ABCC6: variants seen among roughly 807,000 people sequenced by gnomAD.
ABCC6 encodes ATP binding cassette subfamily C member 6.
ABCC6 carries 126 observed loss-of-function variants against 169.5 expected under a neutral mutation model. That is an observed-to-expected ratio of 0.74 (90% CI 0.64 to 0.86). The LOEUF (loss-of-function observed/expected upper bound fraction) is 0.86, where lower values mean the gene tolerates loss of function less well. Ranked by LOEUF, ABCC6 falls within the 40% of genes least tolerant of loss-of-function variation. The probability of loss-of-function intolerance (pLI) is 0.00; values close to 1 mark genes in which losing one functional copy is unlikely to be tolerated. For missense variants in ABCC6, 1,733 were observed against 1,927.2 expected (o/e 0.90, Z 1.89); for synonymous variants, 752 against 814.7 (o/e 0.92, Z 1.31).
At position 16,182,531 on chromosome 16, in the gene ABCC6, T is replaced by C. The variant is rs2047511121; in HGVS notation, c.2128A>G (p.Asn710Asp). The change falls in exon 17 of 31, where the codon AAT (asparagine) becomes GAT (aspartate). Residue 710 changes from asparagine to aspartate, a missense_variant. This residue lies in a region of ABCC6 where 1,601 missense variants were observed against 1,635.5 expected (regional missense o/e 0.98). Transcript: ENST00000205557. The part of the protein sequence containing the change: ...AWVQNTSVVE[N>D]VCFGQELDPP... ...TCCAGCTCCTGCCCGAAGCACACAT[T>C]CTCTACCACAGAGGTGTTCTGCACC... The C allele has an allele frequency of 6.2e-7, 1 of 1,614,140 alleles. No homozygotes were observed. The highest frequency in any genetic ancestry group is 8.5e-7 in the Non-Finnish European group (1 of 1,180,024).
At position 16,190,180 on chromosome 16, in the gene ABCC6, T is replaced by TGGAA; in HGVS notation, c.1615_1618dup (p.Gln540LeufsTer61). ...TGACGTCACCAGAAATGTAGACACT[T>TGGAA]GGAAGGACACCAGCGACACAGAGAA... On this transcript the variant is annotated frameshift_variant, in exon 12 of 31. Coordinates refer to ENST00000205557, the MANE Select transcript of ABCC6 (RefSeq NM_001171.6). LOFTEE classifies it high-confidence loss of function. 6.2e-7 allele frequency: 1 copy of TGGAA among 1,613,676 alleles called. No individual in the cohort carries two copies. Among genetic ancestry groups the TGGAA allele is most frequent in the Admixed American group, 1.7e-5 (1 of 59,990 alleles).
intron 13 of ABCC6, among the ~76,000 whole-genome samples, chr16:16,188,373 C>CA (rs1396407848): frequency 3.9e-5 from 6 of 151,990 alleles, no homozygotes; most frequent in African/African-American, 1.5e-4. Context: ...GCCTGGGTGA[C>CA]AGAGTGAGAC....
At chr16:16,173,139 A>G in intron 21 of ABCC6, 145 bp downstream of exon 21, 1 of 1,078,720 alleles carries the variant, frequency 9.3e-7, no homozygotes. Context: ...AGGATTAAGA[A>G]AATGAACATC....
chr16:16,192,395 A>G (rs1239800622), intron 11 of ABCC6, among the ~76,000 whole-genome samples: 1 of 151,994 alleles, frequency 6.6e-6, no homozygotes, highest in Non-Finnish European at 1.5e-5. Flanking sequence ...GGTACAACGT[A>G]TTTGGTTTGC....
chr16:16,214,589 A>C, intron 4 of ABCC6, 140 bp from the exon 5 acceptor site: 2 of 1,461,418 alleles, frequency 1.4e-6, no homozygotes, highest in Non-Finnish European at 1.8e-6. Context: ...TGGCTTTCCT[A>C]GTGGTTCTAA....
At chr16:16,160,751 G>A (rs1053227990) in intron 25 of ABCC6, among the ~76,000 whole-genome samples, 10 of 151,746 alleles carry the variant, frequency 6.6e-5, no homozygotes, top group African/African-American at 2.2e-4. Context: ...GCTGAAGTGA[G>A]CCAAGATCAT....
Position 16,165,990 on chromosome 16 carries a change from C to T in ABCC6, c.2996-57G>A, listed in dbSNP as rs545856097. Reference sequence around the variant, plus strand: ...GCTGGAGACCCTCAGGAGCGGCCCACGGGGCCCTGCGCAGGTCTCTCCCGC... The same window carrying T: ...GCTGGAGACCCTCAGGAGCGGCCCATGGGGCCCTGCGCAGGTCTCTCCCGC... On this transcript the variant is annotated intron_variant, in intron 22 of 30. Transcript: ENST00000205557. The T allele has an allele frequency of 2.6e-4, 402 of 1,556,840 alleles. No homozygotes were observed. The African/African-American group carries it at 3.6e-3, about 14-fold the overall frequency.
intron 4 of ABCC6, 28 bp from the exon 5 acceptor site, chr16:16,214,477 A>G (rs2048777297): frequency 5.2e-6 from 8 of 1,551,674 alleles, no homozygotes; most frequent in Non-Finnish European, 7.0e-6. Context: ...GAAGATAAGG[A>G]ATGGAGACAG....
intron 6 of ABCC6, among the ~76,000 whole-genome samples, chr16:16,210,022 T>C (rs1229232646): frequency 6.6e-6 from 1 of 152,030 alleles, no homozygotes; most frequent in Non-Finnish European, 1.5e-5. Flanking sequence ...TGAGCCACTG[T>C]GCCTGGCCTC....
chr16:16,192,123 T>G (rs2047883069), intron 11 of ABCC6, among the ~76,000 whole-genome samples: 1 of 152,098 alleles, frequency 6.6e-6, no homozygotes, highest in South Asian at 2.1e-4. Flanking sequence ...CCGCCCTGAC[T>G]GCAGGGAGGT....
intron 17 of ABCC6, 128 bp from the exon 18 acceptor site, chr16:16,179,093 G>A (rs1567498674): frequency 1.9e-6 from 2 of 1,075,650 alleles, no homozygotes; most frequent in Non-Finnish European, 2.7e-6. Flanking sequence ...CCTATTCCCT[G>A]GGGACAGGCC....
chr16:16,171,785 A>G (rs2047079908), intron 21 of ABCC6, among the ~76,000 whole-genome samples: 1 of 151,070 alleles, frequency 6.6e-6, no homozygotes, highest in South Asian at 2.1e-4. Context: ...TGGATAAATG[A>G]GTGGATGGGA....
intron 6 of ABCC6, among the ~76,000 whole-genome samples, chr16:16,211,001 A>G (rs1387148251): frequency 6.6e-6 from 1 of 152,128 alleles, no homozygotes; most frequent in African/African-American, 2.4e-5. Context: ...AGGCTGAGGC[A>G]GGAGAATTGC....
At chr16:16,221,129 G>T (rs1004883803) in intron 2 of ABCC6, 3 of 634,890 alleles carry the variant, frequency 4.7e-6, no homozygotes, top group Non-Finnish European at 6.0e-6. Context: ...GAACTCTGAA[G>T]AACATTCTTT....
At chr16:16,173,015 C>G in intron 21 of ABCC6, 1 of 508,338 alleles carries the variant, frequency 2.0e-6, no homozygotes, top group Non-Finnish European at 3.5e-6. Flanking sequence ...GCGGTCCAGC[C>G]TGGGTGAGTG....
intron 27 of ABCC6, among the ~76,000 whole-genome samples, chr16:16,155,979 G>C (rs1005515791): frequency 1.1e-4 from 16 of 152,086 alleles, no homozygotes; most frequent in African/African-American, 3.6e-4. Flanking sequence ...GCAGTGGTGC[G>C]ATCTCAGCTC....
rs574155932 is a variant in ABCC6 at position 16,193,709 on chromosome 16, G to A, written c.1339-787C>T. Among the ~76,000 whole-genome samples the A allele has an allele frequency of 1.9e-4, 29 of 152,268 alleles. No homozygotes were observed. The South Asian group carries it at 3.9e-3, about 21-fold the overall frequency. On this transcript the variant is annotated intron_variant, in intron 10 of 30. Coordinates refer to ENST00000205557, the MANE Select transcript of ABCC6 (RefSeq NM_001171.6). ...AGCCTGGGTGGCAGAGTGAGACTCCGTCTCAAAAAACAAACAAACAAACAC... is the reference window on the plus strand; with the variant it reads ...AGCCTGGGTGGCAGAGTGAGACTCCATCTCAAAAAACAAACAAACAAACAC...
chr16:16,151,315 C>A (rs558925190), intron 29 of ABCC6, among the ~76,000 whole-genome samples: 1 of 152,286 alleles, frequency 6.6e-6, no homozygotes, highest in African/African-American at 2.4e-5. Context: ...CTCAGCCTCC[C>A]AAAGTGCTGG....
chr16:16,163,831 G>A (rs182309037), intron 23 of ABCC6, among the ~76,000 whole-genome samples: 189 of 152,248 alleles, frequency 1.2e-3, no homozygotes, highest in African/African-American at 4.1e-3. Context: ...GTGAGCATTC[G>A]CGTCATTCAT....
Sources: gnomAD v4.1 joint callset for allele counts (sites outside exome capture counted in the v4.1 genomes callset) on GRCh38, gnomAD v4.1.1 for gene constraint, gnomAD v4.1.1 regional missense constraint, MANE v1.5 for transcripts, NCBI Gene and HGNC (gene_info 2026-07-23, HGNC 2026-07-21) for gene names.